HHLA1: variants seen among roughly 807,000 people sequenced by gnomAD.
HHLA1 encodes HHLA1 neighbor of OC90.
In HHLA1, 72 loss-of-function variants were observed where a neutral mutation model predicts 69.9. The observed-to-expected ratio is 1.03, with a 90% confidence interval of 0.85 to 1.25. The LOEUF (loss-of-function observed/expected upper bound fraction) is 1.25, where lower values mean the gene tolerates loss of function less well. Among genes scored for constraint, HHLA1 ranks in the 50% most tolerant of loss-of-function variants. The probability of loss-of-function intolerance (pLI) is 0.00; values close to 1 mark genes in which losing one functional copy is unlikely to be tolerated. For synonymous variants in HHLA1, 252 were observed against 233.2 expected (o/e 1.08, Z -0.73); for missense variants, 685 against 642.2 (o/e 1.07, Z -0.72).
intron 15 of HHLA1, among the ~76,000 whole-genome samples, chr8:132,067,824 T>C (rs796792756): frequency 4.6e-5 from 7 of 152,336 alleles, no homozygotes; most frequent in African/African-American, 1.7e-4. Context: ...ACTATACCCA[T>C]TTTGTAGATG....
chr8:132,071,515 C>A, intron 14 of HHLA1, 22 bp from the exon 15 acceptor site: 1 of 1,549,538 alleles, frequency 6.5e-7, no homozygotes, highest in East Asian at 2.4e-5. Flanking sequence ...AATCCCAGAC[C>A]AATTAAATCA....
chr8:132,070,935 A>G (rs539196929), intron 15 of HHLA1, among the ~76,000 whole-genome samples: 16 of 151,814 alleles, frequency 1.1e-4, no homozygotes, highest in Non-Finnish European at 2.2e-4. Flanking sequence ...TCACAGGTCA[A>G]TTCATCTCAA....
chr8:132,101,314 G>A, intron 3 of HHLA1: 2 of 1,547,404 alleles, frequency 1.3e-6, no homozygotes, highest in South Asian at 1.2e-5. Flanking sequence ...TAACCTGAAA[G>A]TACAGCCTCA....
intron 1 of HHLA1, among the ~76,000 whole-genome samples, chr8:132,109,467 TGTTA>T (rs1824261315): frequency 6.6e-6 from 1 of 152,220 alleles, no homozygotes; most frequent in African/African-American, 2.4e-5. Context: ...ATCTAACTTT[TGTTA>T]GTTTAATTTG....
chr8:132,104,964 C>T (rs1230852280), intron 2 of HHLA1, among the ~76,000 whole-genome samples: 1 of 152,074 alleles, frequency 6.6e-6, no homozygotes, highest in Non-Finnish European at 1.5e-5. Flanking sequence ...ATGTTTTGGA[C>T]AAAGGTGGTA....
chr8:132,073,707 A>G (rs747307438), intron 14 of HHLA1, among the ~76,000 whole-genome samples: 19 of 152,002 alleles, frequency 1.2e-4, no homozygotes, highest in Non-Finnish European at 1.9e-4. Flanking sequence ...CCTTGCCCCA[A>G]CCCACCCCAT....
intron 10 of HHLA1, 93 bp downstream of exon 10, chr8:132,087,560 A>G: frequency 2.7e-6 from 2 of 748,810 alleles, no homozygotes; most frequent in Non-Finnish European, 4.5e-6. Context: ...ATAGCGAAAC[A>G]CAACACCTGA....
Position 132,064,052 on chromosome 8 carries a change from A to C in HHLA1, c.1553-14T>G, listed in dbSNP as rs1218772608. Reference sequence around the variant, plus strand: ...TTTGCTTTAAGGCTGAAAAAAAAGCAGAAGAAGAAGGAACTCAAGGTACTG... The same window carrying C: ...TTTGCTTTAAGGCTGAAAAAAAAGCCGAAGAAGAAGGAACTCAAGGTACTG... On this transcript the variant is annotated splice_polypyrimidine_tract_variant and intron_variant, in intron 16 of 16. Transcript: ENST00000414222. 2 of 1,301,588 alleles carry C rather than the reference A, an allele frequency of 1.5e-6. No individual in the cohort carries two copies. The highest frequency in any genetic ancestry group is 4.6e-5 in the Admixed American group (2 of 43,332). 80.6% of individuals were successfully genotyped at this position (1,301,588 alleles called of 1,614,324 possible).
intron 11 of HHLA1, among the ~76,000 whole-genome samples, chr8:132,078,746 A>C (rs529167970): frequency 2.0e-5 from 3 of 152,290 alleles, no homozygotes; most frequent in Admixed American, 6.5e-5. Context: ...GAACATTTAT[A>C]GAGCTGTGTT....
chr8:132,076,419 T>TTCCCCC, intron 13 of HHLA1, 56 bp downstream of exon 13: 3 of 596,562 alleles, frequency 5.0e-6, no homozygotes, highest in Admixed American at 2.7e-5. Flanking sequence ...TCCCCAAGCT[T>TTCCCCC]CCCACCCCTC....
intron 2 of HHLA1, among the ~76,000 whole-genome samples, chr8:132,104,847 G>C (rs576253486): frequency 6.6e-6 from 1 of 152,118 alleles, no homozygotes. Flanking sequence ...GACCTAACAA[G>C]ATTTATGAAA....
intron 4 of HHLA1, 41 bp downstream of exon 4, chr8:132,100,034 C>T: frequency 6.6e-7 from 1 of 1,505,954 alleles, no homozygotes; most frequent in Non-Finnish European, 9.0e-7. Context: ...AATTGCTCTG[C>T]AACCCAGACA....
rs761773847 is a variant in HHLA1 at position 132,098,875 on chromosome 8, T to C, written c.280+7A>G. 8 of 1,539,140 alleles carry C rather than the reference T, an allele frequency of 5.2e-6. No individual in the cohort carries two copies. Among genetic ancestry groups the C allele is most frequent in the Admixed American group, 2.0e-5 (1 of 50,794 alleles). On this transcript the variant is annotated splice_region_variant and intron_variant, in intron 5 of 16. Transcript: ENST00000414222. ...GGACCTGGATTGTGCTTTTAAAATA[T>C]GATTACCTTTTAACGCTCTACTGAG...
At chr8:132,081,879 T>A (rs2130885264) in intron 10 of HHLA1, among the ~76,000 whole-genome samples, 1 of 152,224 alleles carries the variant, frequency 6.6e-6, no homozygotes, top group Admixed American at 6.5e-5. Flanking sequence ...ATTTCCACGA[T>A]GGAAAGGAAA....
intron 7 of HHLA1, among the ~76,000 whole-genome samples, chr8:132,093,211 C>G (rs1271433326): frequency 6.6e-6 from 1 of 152,088 alleles, no homozygotes; most frequent in Non-Finnish European, 1.5e-5. Context: ...GTAGTGTAGA[C>G]AGCCTTGGAT....
intron 15 of HHLA1, among the ~76,000 whole-genome samples, chr8:132,066,446 A>G (rs1400052004): frequency 6.6e-6 from 1 of 152,226 alleles, no homozygotes; most frequent in Non-Finnish European, 1.5e-5. Flanking sequence ...TGCTGTCATT[A>G]TCAATGCAGC....
intron 10 of HHLA1, among the ~76,000 whole-genome samples, chr8:132,083,106 G>A (rs1401415993): frequency 5.3e-5 from 8 of 151,264 alleles, no homozygotes; most frequent in Non-Finnish European, 8.9e-5. Flanking sequence ...ACAAGAGGAG[G>A]ACGCAAAGGA....
intron 7 of HHLA1, among the ~76,000 whole-genome samples, chr8:132,094,418 C>T (rs949819291): frequency 6.6e-6 from 1 of 152,158 alleles, no homozygotes; most frequent in Non-Finnish European, 1.5e-5. Flanking sequence ...CAACACCCTC[C>T]CCACTTTGCC....
chr8:132,098,044 C>T (rs966414503), intron 5 of HHLA1, among the ~76,000 whole-genome samples: 3 of 152,198 alleles, frequency 2.0e-5, no homozygotes, highest in African/African-American at 7.2e-5. Context: ...TGGAAGCTCT[C>T]CCAGGCCAAA....
Sources: allele counts gnomAD v4.1 joint callset (sites outside exome capture counted in the v4.1 genomes callset), GRCh38; gene constraint gnomAD v4.1.1; transcripts MANE v1.5; gene names NCBI Gene and HGNC (gene_info 2026-07-23, HGNC 2026-07-21).